Variants in ANO6 observed in about 807,000 individuals in gnomAD.
ANO6 encodes the protein anoctamin 6, also known as anoctamin-6.
Under a neutral mutation model 117.5 loss-of-function variants are expected in ANO6, and 106 were observed. That is an observed-to-expected ratio of 0.90 (90% CI 0.77 to 1.06). The LOEUF (loss-of-function observed/expected upper bound fraction) is 1.06, where lower values mean the gene tolerates loss of function less well. Ranked by LOEUF, ANO6 falls within the 50% of genes least tolerant of loss-of-function variation. ANO6 has a pLI of 0.00. For synonymous variants in ANO6, 367 were observed against 385.1 expected (o/e 0.95, Z 0.55); for missense variants, 955 against 1,121.1 (o/e 0.85, Z 2.12).
intron 1 of ANO6, among the ~76,000 whole-genome samples, chr12:45,223,820 TTG>T (rs1337171446): frequency 6.6e-6 from 1 of 152,210 alleles, no homozygotes; most frequent in East Asian, 1.9e-4. Context: ...GACTGGTACC[TTG>T]TGTGTTTTGT....
At chr12:45,322,554 G>A (rs1221462159) in intron 2 of ANO6, among the ~76,000 whole-genome samples, 1 of 152,140 alleles carries the variant, frequency 6.6e-6, no homozygotes, top group African/African-American at 2.4e-5. Context: ...TGAGCATATT[G>A]GTTTAGGAAC....
At chr12:45,358,664 T>C (rs1265145945) in intron 8 of ANO6, among the ~76,000 whole-genome samples, 1 of 152,218 alleles carries the variant, frequency 6.6e-6, no homozygotes, top group Non-Finnish European at 1.5e-5. Context: ...CTGCCTGTGC[T>C]CAAAACTATT....
intron 12 of ANO6, among the ~76,000 whole-genome samples, chr12:45,395,407 G>C (rs1942582394): frequency 6.6e-6 from 1 of 152,172 alleles, no homozygotes; most frequent in Non-Finnish European, 1.5e-5. Flanking sequence ...AATTCTACCA[G>C]AGGTACAAAG....
intron 1 of ANO6, among the ~76,000 whole-genome samples, chr12:45,266,410 G>A (rs1441307987): frequency 6.6e-6 from 1 of 152,180 alleles, no homozygotes; most frequent in Admixed American, 6.5e-5. Flanking sequence ...ATGTATTAAA[G>A]TATAAAAGAT....
rs528296451 is a variant in ANO6, at chr12:45,430,134, T to A, written c.*823T>A. The A allele has an allele frequency of 1.0e-6, 1 of 985,322 alleles. No homozygotes were observed. The highest frequency in any genetic ancestry group is 6.1e-5 in the Admixed American group (1 of 16,274). 61.0% of individuals were successfully genotyped at this position (985,322 alleles called of 1,614,324 possible). A position where few individuals can be genotyped will look rare whatever the true frequency, so the allele number is the denominator to read the frequency against. On this transcript the variant is annotated 3_prime_UTR_variant, in exon 20 of 20. Transcript: ENST00000320560. ...CTCATGTTGATCTGGATAATTAATC[T>A]TTTCTAAAGATGTGTAGTTTCTTGG...
intron 2 of ANO6, among the ~76,000 whole-genome samples, chr12:45,314,142 A>G (rs1240814220): frequency 3.3e-5 from 5 of 152,020 alleles, no homozygotes. Flanking sequence ...AGAGGAGTTC[A>G]GTTAGGGTTG....
intron 10 of ANO6, among the ~76,000 whole-genome samples, chr12:45,381,034 C>A (rs962242588): frequency 6.6e-5 from 10 of 152,256 alleles, no homozygotes; most frequent in Non-Finnish European, 1.3e-4. Flanking sequence ...GTTACGAGGC[C>A]TAAATGGTTT....
intron 10 of ANO6, among the ~76,000 whole-genome samples, chr12:45,380,356 C>T (rs1381960897): frequency 2.0e-5 from 3 of 152,322 alleles, no homozygotes; most frequent in Admixed American, 6.5e-5. Flanking sequence ...TTAATTTTCA[C>T]CTTTGAGGGG....
Position 45,348,121 on chromosome 12 carries a change from A to C in ANO6, c.439A>C (p.Lys147Gln). 6.2e-7 allele frequency: 1 copy of C among 1,614,118 alleles called. No individual in the cohort carries two copies. The highest frequency in any genetic ancestry group is 8.5e-7 in the Non-Finnish European group (1 of 1,179,998). ...AEIMHIKLPL[K>Q]PNDLKNRSSA... ...GATAATGCACATCAAATTGCCTCTG[A>C]AACCCAATGATCTGAAAAACCGGTC... The change falls in exon 5 of 20, where the codon AAA becomes CAA. Residue 147 changes from lysine to glutamine, a missense_variant. Physicochemically the swap from Lys to Gln is moderately conservative, Grantham distance 53. Transcript: ENST00000320560.
At chr12:45,321,963 T>TC (rs1307853728) in intron 2 of ANO6, among the ~76,000 whole-genome samples, 1 of 152,182 alleles carries the variant, frequency 6.6e-6, no homozygotes, top group East Asian at 1.9e-4. Flanking sequence ...CTTGTTTTTT[T>TC]CACTGTGAGC....
At chr12:45,385,832 C>T (rs748683334) in intron 10 of ANO6, among the ~76,000 whole-genome samples, 4 of 152,186 alleles carry the variant, frequency 2.6e-5, no homozygotes, top group Non-Finnish European at 5.9e-5. Context: ...CTCTAACTTA[C>T]TGGAAAAGTA....
chr12:45,216,825 A>G (rs971573045), intron 1 of ANO6, among the ~76,000 whole-genome samples: 1 of 152,210 alleles, frequency 6.6e-6, no homozygotes, highest in African/African-American at 2.4e-5. Flanking sequence ...GGTGTGACCC[A>G]TCTGAATCCT....
chr12:45,391,421 T>C (rs1942446758), intron 12 of ANO6, among the ~76,000 whole-genome samples: 1 of 152,146 alleles, frequency 6.6e-6, no homozygotes, highest in South Asian at 2.1e-4. Context: ...AATAAAAATG[T>C]AATATGTCAG....
At position 45,336,375 on chromosome 12, in the gene ANO6, C is replaced by T. The variant is rs553470703; in HGVS notation, c.279+4952C>T. ...TATTAGCTTTAATATACAATGTGTA[C>T]TTTTTATAGTTATTAGCACCCTACT... On this transcript the variant is annotated intron_variant, in intron 3 of 19. Transcript: ENST00000320560. Among the ~76,000 whole-genome samples the T allele has an allele frequency of 2.0e-5, 3 of 150,980 alleles. No homozygotes were observed. In the South Asian group the frequency reaches 6.2e-4, roughly 31 times the overall value.
rs146476109 is a variant in ANO6, at chr12:45,287,994, A to T, written c.71-14020A>T. The stretch of plus-strand genomic sequence containing the variant: ...TGGCTTATGGCAAGGGGGAGAGTTA[A>T]AGTAGAGGTAAGATGATAAAAGCCC... On this transcript the variant is annotated intron_variant, in intron 1 of 19. Transcript: ENST00000320560. Among the ~76,000 whole-genome samples, 723 of 152,236 alleles carry T rather than the reference A, an allele frequency of 4.7e-3. 7 individuals carry two copies. The highest frequency in any genetic ancestry group is 0.016 in the African/African-American group (683 of 41,526).
chr12:45,269,471 A>G (rs903338818), intron 1 of ANO6, among the ~76,000 whole-genome samples: 6 of 152,188 alleles, frequency 3.9e-5, no homozygotes, highest in Non-Finnish European at 8.8e-5. Flanking sequence ...GCTTGTGGAC[A>G]TGCTGTGTGT....
intron 7 of ANO6, among the ~76,000 whole-genome samples, chr12:45,354,854 A>G (rs1228442693): frequency 6.6e-6 from 1 of 152,216 alleles, no homozygotes; most frequent in Non-Finnish European, 1.5e-5. Flanking sequence ...CAAAAACTAT[A>G]ATGTAACTAT....
At chr12:45,293,146 C>T (rs1368067650) in intron 1 of ANO6, among the ~76,000 whole-genome samples, 1 of 152,198 alleles carries the variant, frequency 6.6e-6, no homozygotes, top group Non-Finnish European at 1.5e-5. Flanking sequence ...ATTATCTAAG[C>T]AATTACATTT....
At chr12:45,398,999 A>G (rs1276219668) in intron 12 of ANO6, among the ~76,000 whole-genome samples, 3 of 152,146 alleles carry the variant, frequency 2.0e-5, no homozygotes, top group Non-Finnish European at 4.4e-5. Context: ...TGAAAATTCC[A>G]GGCCTGAGGT....
Sources: allele counts gnomAD v4.1 joint callset (sites outside exome capture counted in the v4.1 genomes callset), GRCh38; gene constraint gnomAD v4.1.1; transcripts MANE v1.5; gene names NCBI Gene and HGNC (gene_info 2026-07-23, HGNC 2026-07-21).